The following IGBP1 variants were observed in gnomAD, a reference collection of about 807,000 sequenced individuals.
The protein encoded by IGBP1 is immunoglobulin binding protein 1.
A neutral mutation model predicts 25.9 loss-of-function variants in IGBP1; 2 were observed. The observed-to-expected ratio is 0.08, with a 90% CI of 0.03 to 0.24. IGBP1 has a LOEUF of 0.24. IGBP1 is among the 10% of genes least tolerant of loss of function. The pLI, the probability that IGBP1 is intolerant of heterozygous loss-of-function variation, is 1.00. For synonymous variants in IGBP1, 96 were observed against 93.4 expected, an observed-to-expected ratio of 1.03 and a Z score of -0.16; for missense variants, 187 against 260.4, an observed-to-expected ratio of 0.72 and a Z score of 1.94.
chrX:70,140,895 G>T (rs1350610907), intron 3 of IGBP1, among the ~76,000 whole-genome samples: 1 of 111,946 alleles, frequency 8.9e-6, no homozygotes. Flanking sequence ...AAATTTATGA[G>T]ACTGTTTTGT....
At chrX:70,141,926 G>A (rs997815148) in intron 3 of IGBP1, among the ~76,000 whole-genome samples, 2 of 110,816 alleles carry the variant, frequency 1.8e-5, no homozygotes, top group South Asian at 3.8e-4. Flanking sequence ...AAAGGGGGGG[G>A]GCTCTGAGAA....
At chrX:70,150,345 T>C (rs775934765) in intron 6 of IGBP1, 23 bp downstream of exon 6, 4 of 949,579 alleles carry the variant, frequency 4.2e-6, no homozygotes, top group African/African-American at 1.9e-5. Flanking sequence ...AGGAGGGAAA[T>C]AGTTGTACCA....
intron 3 of IGBP1, among the ~76,000 whole-genome samples, chrX:70,143,957 G>A (rs188513202): frequency 9.2e-4 from 103 of 112,501 alleles, no homozygotes; most frequent in African/African-American, 3.2e-3. Flanking sequence ...AGAGGCTAAG[G>A]CAGGCAGATC....
In IGBP1 at chrX:70,133,872, C is replaced by T. The variant is rs1208991126; in HGVS notation, c.-76C>T. Reference sequence around the variant, plus strand: ...GAGGTGCTTCTTCCGGTTTTGTCCGCGCTCGCCTAATTCTTCTTTATCAAG... The same window carrying T: ...GAGGTGCTTCTTCCGGTTTTGTCCGTGCTCGCCTAATTCTTCTTTATCAAG... On this transcript the variant is annotated 5_prime_UTR_variant, in exon 2 of 7. Coordinates refer to ENST00000356413, the MANE Select transcript of IGBP1 (RefSeq NM_001551.3). 5.2e-6 allele frequency: 5 copies of T among 960,644 alleles called. No individual in the cohort carries two copies. Among genetic ancestry groups the T allele is most frequent in the African/African-American group, 1.9e-5 (1 of 51,695 alleles). 79.2% of individuals were successfully genotyped at this position (960,644 alleles called of 1,213,427 possible). A position where few individuals can be genotyped will look rare whatever the true frequency, so the allele number is the denominator to read the frequency against.
At chrX:70,145,059 A>G (rs2085157833) in intron 3 of IGBP1, among the ~76,000 whole-genome samples, 1 of 109,599 alleles carries the variant, frequency 9.1e-6, no homozygotes, top group African/African-American at 3.3e-5. Context: ...AAAGAAAAAG[A>G]AAGCATACAG....
intron 6 of IGBP1, among the ~76,000 whole-genome samples, chrX:70,157,074 C>T (rs2085245559): frequency 8.9e-6 from 1 of 112,059 alleles, no homozygotes; most frequent in South Asian, 3.6e-4. Flanking sequence ...ATACTGTACA[C>T]AATAAATATG....
Position 70,164,673 on chromosome X carries a change from T to G in IGBP1, c.872-1160T>G, listed in dbSNP as rs752056990. ...ATTTGTATAATGTACACAGAGAGGC[T>G]TTTAGGGTGGATACAGGAGATCTGT... On this transcript the variant is annotated intron_variant, in intron 6 of 6. Coordinates refer to ENST00000356413, the MANE Select transcript of IGBP1 (RefSeq NM_001551.3). Among the ~76,000 whole-genome samples, 20 of 112,165 alleles carry G rather than the reference T, an allele frequency of 1.8e-4. No homozygotes were observed. The Admixed American group carries it at 1.8e-3, about 10-fold the overall frequency.
At chrX:70,141,910 T>TA (rs930714637) in intron 3 of IGBP1, among the ~76,000 whole-genome samples, 1 of 107,643 alleles carries the variant, frequency 9.3e-6, no homozygotes, top group African/African-American at 3.4e-5. Flanking sequence ...TTTTAGAGAT[T>TA]AAAAAAAAGG....
intron 6 of IGBP1, among the ~76,000 whole-genome samples, chrX:70,162,736 G>A (rs1048199477): frequency 8.9e-6 from 1 of 112,122 alleles, no homozygotes; most frequent in Non-Finnish European, 1.9e-5. Flanking sequence ...CACTTTGGGA[G>A]GCTTAGGTGG....
chrX:70,155,579 C>T (rs1343897510), intron 6 of IGBP1, among the ~76,000 whole-genome samples: 1 of 108,551 alleles, frequency 9.2e-6, no homozygotes, highest in Non-Finnish European at 1.9e-5. Flanking sequence ...AAATCCGAAA[C>T]TTCTTAAGGC....
Position 70,133,713 on chromosome X carries a change from C to T in IGBP1, c.-225-10C>T, listed in dbSNP as rs2085076576. On this transcript the variant is annotated splice_polypyrimidine_tract_variant and intron_variant, in intron 1 of 6. Coordinates refer to ENST00000356413, the MANE Select transcript of IGBP1 (RefSeq NM_001551.3). ...GCCTAGGGTTTTGCTTGTTTGTTTG[C>T]TTTTAACAGATGCCTACGACTTGTA... 2 of 443,967 alleles carry T rather than the reference C, an allele frequency of 4.5e-6. No homozygotes were observed. Among genetic ancestry groups the T allele is most frequent in the East Asian group, 7.4e-5 (2 of 27,158 alleles). The allele number at this position is 443,967 out of a possible 1,213,427, so 36.6% of individuals were successfully genotyped here. A position where few individuals can be genotyped will look rare whatever the true frequency, so the allele number is the denominator to read the frequency against.
intron 6 of IGBP1, among the ~76,000 whole-genome samples, chrX:70,154,738 T>TAAAAAAAA (rs2085228211): frequency 4.4e-5 from 1 of 22,628 alleles, no homozygotes. Flanking sequence ...AAAAAAAAAG[T>TAAAAAAAA]TTTAAAAAAC....
chrX:70,148,647 G>A (rs774321427), intron 4 of IGBP1, 114 bp from the exon 5 acceptor site: 19 of 540,159 alleles, frequency 3.5e-5, no homozygotes, highest in Admixed American at 1.4e-4. Flanking sequence ...CTGATAAATA[G>A]AAAGTGAGTG....
At chrX:70,145,715 G>A (rs904645612) in intron 3 of IGBP1, among the ~76,000 whole-genome samples, 3 of 111,325 alleles carry the variant, frequency 2.7e-5, no homozygotes, top group Non-Finnish European at 3.8e-5. Flanking sequence ...GGCCAGGCAC[G>A]CTCCCACCTC....
intron 3 of IGBP1, among the ~76,000 whole-genome samples, chrX:70,138,709 T>A (rs2085112307): frequency 9.0e-6 from 1 of 111,160 alleles, no homozygotes; most frequent in East Asian, 2.8e-4. Context: ...TTTTTTAACC[T>A]AACATTATAC....
chrX:70,148,028 C>T (rs982747945), intron 4 of IGBP1, among the ~76,000 whole-genome samples: 2 of 111,812 alleles, frequency 1.8e-5, no homozygotes, highest in African/African-American at 6.5e-5. Context: ...TTTTCTGGGT[C>T]CTGCCCTGTC....
At chrX:70,154,714 C>CAA (rs762954223) in intron 6 of IGBP1, among the ~76,000 whole-genome samples, 39 of 27,065 alleles carry the variant, frequency 1.4e-3, no homozygotes, top group Middle Eastern at 0.056. Flanking sequence ...CCCCTCTCCA[C>CAA]AAAAAAAAAA....
intron 3 of IGBP1, among the ~76,000 whole-genome samples, chrX:70,135,982 CATAAA>C (rs1247554122): frequency 8.9e-6 from 1 of 111,819 alleles, no homozygotes; most frequent in Non-Finnish European, 1.9e-5. Flanking sequence ...GGTTCTTCCT[CATAAA>C]GTAGTTTATG....
chrX:70,148,629 C>G (rs986362553), intron 4 of IGBP1, 132 bp from the exon 5 acceptor site: 3 of 524,573 alleles, frequency 5.7e-6, no homozygotes, highest in South Asian at 5.2e-5. Flanking sequence ...GCTGCTATAT[C>G]TTAGAGACTG....
Sources: allele counts gnomAD v4.1 joint callset (sites outside exome capture counted in the v4.1 genomes callset), GRCh38; gene constraint gnomAD v4.1.1; transcripts MANE v1.5; gene names NCBI Gene and HGNC (gene_info 2026-07-23, HGNC 2026-07-21).